THSD1: variants seen among roughly 807,000 people sequenced by gnomAD.
THSD1 encodes the protein thrombospondin type 1 domain containing 1.
Under a neutral mutation model 46.3 loss-of-function variants are expected in THSD1, and 34 were observed. The ratio of observed to expected loss-of-function variants is 0.74; its 90% CI spans 0.56 to 0.98. The LOEUF is 0.98. THSD1 is among the 50% of genes least tolerant of loss of function. The probability of loss-of-function intolerance (pLI) is 0.00; values close to 1 mark genes in which losing one functional copy is unlikely to be tolerated. For missense variants in THSD1, 1,023 were observed against 1,058.3 expected (o/e 0.97, Z 0.46); for synonymous variants, 407 against 416.5 (o/e 0.98, Z 0.28).
At chr13:52,384,024 GA>G (rs1957711442) in intron 4 of THSD1, 1 of 299,442 alleles carries the variant, frequency 3.3e-6, no homozygotes, top group Non-Finnish European at 6.5e-6. Flanking sequence ...CCAACATAGA[GA>G]AACCCCGTCT....
chr13:52,398,518 A>C, intron 2 of THSD1: 1 of 977,892 alleles, frequency 1.0e-6, no homozygotes, highest in South Asian at 4.7e-5. Context: ...CTAAGATTAT[A>C]GACATGAGCC....
At chr13:52,387,570 CTT>C (rs1197756231) in intron 3 of THSD1, among the ~76,000 whole-genome samples, 1 of 152,118 alleles carries the variant, frequency 6.6e-6, no homozygotes, top group African/African-American at 2.4e-5. Flanking sequence ...ATGCCAAAAA[CTT>C]TAGTGGAAAA....
Position 52,398,307 on chromosome 13 carries a change from G to T in THSD1, c.59-113C>A, listed in dbSNP as rs575212212. 138 of 1,474,514 alleles carry T rather than the reference G, an allele frequency of 9.4e-5. 2 individuals are homozygous for T. The South Asian group carries it at 1.7e-3, about 18-fold the overall frequency. 91.3% of individuals were successfully genotyped at this position (1,474,514 alleles called of 1,614,324 possible). A position where few individuals can be genotyped will look rare whatever the true frequency, so the allele number is the denominator to read the frequency against. Reference sequence around the variant, plus strand: ...TTTTTTTGAGACAGGGTCTCATGCTGTCACCGAGGCTAGAGTGCAGTGGCG... The same window carrying T: ...TTTTTTTGAGACAGGGTCTCATGCTTTCACCGAGGCTAGAGTGCAGTGGCG... On this transcript the variant is annotated intron_variant, in intron 2 of 4. Coordinates refer to ENST00000258613, the MANE Select transcript of THSD1 (RefSeq NM_018676.4).
At position 52,378,532 on chromosome 13, in the gene THSD1, C is replaced by G; in HGVS notation, c.1438G>C (p.Asp480His). ...CTCCCCGTGGGCCCGTCTCCCCCAT[C>G]CGAGAAGCTCCCGCGCTGCTCGCTC... ...ELSEQRGSFSDGGDGPTGSPG... is the reference protein window; with the variant it reads ...ELSEQRGSFSHGGDGPTGSPG... Residue 480 changes from aspartate (D) to histidine (H), a missense_variant, in exon 5 of 5, where the codon GAT becomes CAT. This residue lies in a region of THSD1 where 578 missense variants were observed against 497.4 expected (regional missense o/e 1.16). Transcript: ENST00000258613. 1 of 1,614,196 alleles carries G rather than the reference C, an allele frequency of 6.2e-7. No homozygotes were observed. Among genetic ancestry groups the G allele is most frequent in the Non-Finnish European group, 8.5e-7 (1 of 1,180,042 alleles).
intron 2 of THSD1, among the ~76,000 whole-genome samples, chr13:52,400,551 T>C (rs945138906): frequency 6.6e-6 from 1 of 151,998 alleles, no homozygotes; most frequent in African/African-American, 2.4e-5. Flanking sequence ...TAAGCCGAGA[T>C]TGCACCATTG....
chr13:52,394,578 C>T (rs552206221), intron 3 of THSD1, among the ~76,000 whole-genome samples: 2 of 150,520 alleles, frequency 1.3e-5, no homozygotes, highest in East Asian at 3.9e-4. Context: ...TGTGCCACTG[C>T]ACTCCAGCCT....
intron 3 of THSD1, among the ~76,000 whole-genome samples, chr13:52,388,191 A>AT (rs59073289): frequency 0.072 from 10,832 of 151,216 alleles, 520 homozygotes; most frequent in African/African-American, 0.13. Flanking sequence ...TAAAAAAAAA[A>AT]ATATATATGT....
In THSD1 at chr13:52,397,772, C is replaced by T. The variant is rs757678002; in HGVS notation, c.481G>A (p.Asp161Asn). 2.5e-6 allele frequency: 4 copies of T among 1,614,230 alleles called. No homozygotes were observed. The East Asian group carries it at 8.9e-5, about 36-fold the overall frequency. The change falls in exon 3 of 5, where the codon GAC (aspartate) becomes AAC (asparagine). Residue 161 changes from aspartate (D) to asparagine (N), a missense_variant. Around this residue, in one of 3 missense-constraint regions of THSD1, gnomAD observed 429 missense variants for 518.3 expected, o/e 0.83. Coordinates refer to ENST00000258613, the MANE Select transcript of THSD1 (RefSeq NM_018676.4). ...TSQPLCPFPV[D>N]KPNIVVDVIF... ...ACATCCACTACGATGTTGGGCTTGT[C>T]CACAGGAAACGGGCACAGTGGTTGA...
In THSD1 at chr13:52,378,515, G is replaced by A. The variant is rs1566959376; in HGVS notation, c.1455C>T (p.Pro485=). 6.2e-7 allele frequency: 1 copy of A among 1,614,140 alleles called. No homozygotes were observed. The highest frequency in any genetic ancestry group is 8.5e-7 in the Non-Finnish European group (1 of 1,180,030). The stretch of plus-strand genomic sequence containing the variant: ...TGCCTGTGTCCCCTGGACTCCCCGT[G>A]GGCCCGTCTCCCCCATCCGAGAAGC... ...RGSFSDGGDG[P]TGSPGDTGIP... is the part of the protein sequence containing the mutation. The change falls in exon 5 of 5, where the codon CCC becomes CCT. Residue 485 remains proline (P), a synonymous_variant. Transcript: ENST00000258613.
intron 3 of THSD1, among the ~76,000 whole-genome samples, chr13:52,389,956 A>G (rs151287346): frequency 1.2e-3 from 187 of 152,220 alleles, no homozygotes; most frequent in African/African-American, 4.4e-3. Flanking sequence ...CCTGGGCAAC[A>G]TAGCAAAAAC....
chr13:52,400,384 G>T (rs958796887), intron 2 of THSD1, among the ~76,000 whole-genome samples: 1 of 152,110 alleles, frequency 6.6e-6, no homozygotes, highest in Non-Finnish European at 1.5e-5. Flanking sequence ...GATCACCTGA[G>T]GTCAGGAGTT....
At chr13:52,395,019 G>T (rs976879019) in intron 3 of THSD1, among the ~76,000 whole-genome samples, 1 of 152,186 alleles carries the variant, frequency 6.6e-6, no homozygotes, top group Non-Finnish European at 1.5e-5. Flanking sequence ...ATGTTAGCCA[G>T]GAGAAGGAGA....
chr13:52,381,432 C>G (rs1957691244), intron 4 of THSD1, among the ~76,000 whole-genome samples: 1 of 152,154 alleles, frequency 6.6e-6, no homozygotes, highest in African/African-American at 2.4e-5. Context: ...CCTAAAACAC[C>G]TGCTTCCAAT....
intron 3 of THSD1, among the ~76,000 whole-genome samples, chr13:52,390,210 A>T (rs915261810): frequency 1.3e-5 from 2 of 152,080 alleles, no homozygotes; most frequent in African/African-American, 2.4e-5. Flanking sequence ...GACCTATCAG[A>T]TCTTGCCAAC....
At chr13:52,390,176 C>T (rs1343034618) in intron 3 of THSD1, among the ~76,000 whole-genome samples, 1 of 151,752 alleles carries the variant, frequency 6.6e-6, no homozygotes, top group Non-Finnish European at 1.5e-5. Flanking sequence ...ATAATTCTGT[C>T]TATCAGTACC....
At chr13:52,385,937 T>TA in intron 4 of THSD1, 91 bp downstream of exon 4, 1 of 1,230,840 alleles carries the variant, frequency 8.1e-7, no homozygotes, top group South Asian at 1.5e-5. Context: ...CTCCTGATCT[T>TA]AGACTGGTAA....
chr13:52,403,773 C>T (rs955234737), intron 1 of THSD1, among the ~76,000 whole-genome samples: 10 of 151,870 alleles, frequency 6.6e-5, no homozygotes, highest in Non-Finnish European at 1.3e-4. Flanking sequence ...CCACCGCACC[C>T]GGCTGGAAAA....
intron 3 of THSD1, 63 bp from the exon 4 acceptor site, chr13:52,386,249 C>T: frequency 6.6e-7 from 1 of 1,513,456 alleles, no homozygotes; most frequent in Non-Finnish European, 9.0e-7. Context: ...TTAACTGCAC[C>T]CAAATGAAAC....
At chr13:52,392,190 C>CAAAA (rs368671089) in intron 3 of THSD1, among the ~76,000 whole-genome samples, 74 of 69,198 alleles carry the variant, frequency 1.1e-3, no homozygotes, top group East Asian at 1.6e-3. Context: ...AGACTCCTCT[C>CAAAA]AAAAAAAAAA....
Sources: allele counts gnomAD v4.1 joint callset (sites outside exome capture counted in the v4.1 genomes callset), GRCh38; gene constraint gnomAD v4.1.1; regional missense constraint gnomAD v4.1.1; transcripts MANE v1.5; gene names NCBI Gene and HGNC (gene_info 2026-07-23, HGNC 2026-07-21).